The following NAA35 variants were observed in gnomAD, a reference collection of about 807,000 sequenced individuals.
NAA35 encodes the protein MAK10 homolog, amino-acid N-acetyltransferase subunit.
In NAA35, 18 loss-of-function variants were observed where a neutral mutation model predicts 101.7. The observed-to-expected ratio is 0.18, with a 90% CI of 0.12 to 0.26. NAA35 has a LOEUF of 0.26. Ranked by LOEUF, NAA35 falls within the 10% of genes least tolerant of loss-of-function variation. NAA35 has a pLI of 1.00. For synonymous variants in NAA35, 267 were observed against 273.1 expected, an observed-to-expected ratio of 0.98 and a Z score of 0.22; for missense variants, 601 against 886.8, an observed-to-expected ratio of 0.68 and a Z score of 4.09.
chr9:86,011,076 C>G (rs1041055352), intron 15 of NAA35, among the ~76,000 whole-genome samples: 1 of 150,850 alleles, frequency 6.6e-6, no homozygotes, highest in Non-Finnish European at 1.5e-5. Flanking sequence ...AACCCTGTCT[C>G]TACTGAAAAT....
chr9:86,018,474 C>G (rs956236448), intron 20 of NAA35, 79 bp downstream of exon 20: 5 of 1,465,904 alleles, frequency 3.4e-6, no homozygotes, highest in Admixed American at 2.2e-5. Flanking sequence ...ACCTAGCCAT[C>G]TTGTTACATT....
chr9:85,987,879 T>G (rs1173960938), intron 11 of NAA35, among the ~76,000 whole-genome samples: 1 of 152,204 alleles, frequency 6.6e-6, no homozygotes, highest in Non-Finnish European at 1.5e-5. Flanking sequence ...GGGAAAAAAC[T>G]AGGGATTCTC....
intron 11 of NAA35, among the ~76,000 whole-genome samples, chr9:85,982,238 T>G (rs2118106305): frequency 6.6e-6 from 1 of 152,188 alleles, no homozygotes; most frequent in East Asian, 1.9e-4. Context: ...GATTTTGGAG[T>G]CATTTTCAGT....
intron 17 of NAA35, chr9:86,014,321 G>A (rs1400584264): frequency 1.1e-6 from 1 of 931,926 alleles, no homozygotes; most frequent in East Asian, 1.2e-4. Flanking sequence ...AAACCGTGGT[G>A]CTGAGGATTC....
intron 22 of NAA35, among the ~76,000 whole-genome samples, 176 bp from the exon 23 acceptor site, chr9:86,021,725 C>T (rs1043530438): frequency 7.9e-5 from 12 of 152,176 alleles, no homozygotes; most frequent in Admixed American, 1.3e-4. Flanking sequence ...ACAAATTAAT[C>T]GTTTTTCTTC....
rs1329898402 is a variant in NAA35, at chr9:86,011,872, A to AATATATAAATATATATTATATGAT, written c.1291-1167_1291-1144dup. 1.2e-3 allele frequency among the ~76,000 whole-genome samples: 169 copies of AATATATAAATATATATTATATGAT among 142,608 alleles called. 4 individuals are homozygous for AATATATAAATATATATTATATGAT. In the South Asian group the frequency reaches 0.031, roughly 26 times the overall value. The allele number at this position is 142,608 out of a possible 152,430, so 93.6% of individuals were successfully genotyped here. On this transcript the variant is annotated intron_variant, in intron 15 of 22. Coordinates refer to ENST00000361671, the MANE Select transcript of NAA35 (RefSeq NM_024635.4). Reference sequence around the variant, plus strand: ...TGAGTTCAACTTTTAAACTTATTTAAATATATAAATATATATTATATGATA... The same window carrying AATATATAAATATATATTATATGAT: ...TGAGTTCAACTTTTAAACTTATTTAAATATATAAATATATATTATATGATATATATAAATATATATTATATGATA...
chr9:85,994,021 A>G (rs561326127), intron 11 of NAA35, among the ~76,000 whole-genome samples: 2 of 151,392 alleles, frequency 1.3e-5, no homozygotes, highest in Admixed American at 1.3e-4. Context: ...GTTTAAAAAT[A>G]TATGCTAAAC....
intron 14 of NAA35, 21 bp from the exon 15 acceptor site, chr9:86,009,844 G>C (rs1285785132): frequency 6.3e-7 from 1 of 1,588,456 alleles, no homozygotes; most frequent in Non-Finnish European, 8.6e-7. Flanking sequence ...AGATTTTAAT[G>C]ATGTGACTGT....
chr9:85,971,368 T>G (rs1406234581), intron 6 of NAA35, among the ~76,000 whole-genome samples: 1 of 152,188 alleles, frequency 6.6e-6, no homozygotes, highest in Non-Finnish European at 1.5e-5. Context: ...TCTCTTTGTC[T>G]TCTTAATACC....
At chr9:85,978,428 CA>C in intron 11 of NAA35, 47 bp downstream of exon 11, 1 of 1,320,982 alleles carries the variant, frequency 7.6e-7, no homozygotes, top group Non-Finnish European at 1.1e-6. Flanking sequence ...CGTTTCTATC[CA>C]AAATATTTAG....
At chr9:85,953,182 C>T (rs1412090557) in intron 2 of NAA35, among the ~76,000 whole-genome samples, 1 of 151,310 alleles carries the variant, frequency 6.6e-6, no homozygotes, top group East Asian at 1.9e-4. Flanking sequence ...CACTGCTCTC[C>T]AGCCTGGGCA....
intron 6 of NAA35, among the ~76,000 whole-genome samples, chr9:85,968,613 G>A (rs1262302523): frequency 1.3e-5 from 2 of 151,774 alleles, no homozygotes; most frequent in African/African-American, 2.4e-5. Flanking sequence ...GCCCACTTAT[G>A]AGGAAAAATA....
chr9:85,977,088 G>T (rs1486520268), intron 9 of NAA35, among the ~76,000 whole-genome samples: 1 of 152,052 alleles, frequency 6.6e-6, no homozygotes, highest in Non-Finnish European at 1.5e-5. Context: ...TTTTTAAAAT[G>T]CAGATAACAT....
intron 13 of NAA35, among the ~76,000 whole-genome samples, chr9:86,005,194 C>A (rs1013691454): frequency 6.6e-6 from 1 of 152,072 alleles, no homozygotes; most frequent in Non-Finnish European, 1.5e-5. Flanking sequence ...AGAATCAAGC[C>A]TGGTTCACCA....
At chr9:85,967,718 C>T (rs367907813) in intron 6 of NAA35, among the ~76,000 whole-genome samples, 2 of 151,676 alleles carry the variant, frequency 1.3e-5, no homozygotes, top group South Asian at 2.1e-4. Context: ...AGGAGAATGG[C>T]GTGAACCCGG....
intron 11 of NAA35, among the ~76,000 whole-genome samples, chr9:85,994,128 C>A (rs750219539): frequency 2.0e-5 from 3 of 152,210 alleles, no homozygotes; most frequent in Non-Finnish European, 4.4e-5. Flanking sequence ...TTGAGTTTAA[C>A]AGTTGTGTTT....
intron 2 of NAA35, among the ~76,000 whole-genome samples, chr9:85,952,173 A>G (rs1829046430): frequency 6.7e-6 from 1 of 148,648 alleles, no homozygotes; most frequent in Non-Finnish European, 1.5e-5. Flanking sequence ...AGACTCATGT[A>G]TTTTTTTTAA....
chr9:85,960,320 C>T (rs1829460626), intron 5 of NAA35, among the ~76,000 whole-genome samples: 1 of 151,988 alleles, frequency 6.6e-6, no homozygotes, highest in Non-Finnish European at 1.5e-5. Context: ...TTATGTCTTC[C>T]CTAGAAAGTA....
At chr9:86,000,327 G>A (rs183704250) in intron 12 of NAA35, among the ~76,000 whole-genome samples, 257 of 152,196 alleles carry the variant, frequency 1.7e-3, no homozygotes, top group African/African-American at 5.9e-3. Context: ...TTTTTGCATC[G>A]ATATTAATCA....
Sources: allele counts gnomAD v4.1 joint callset (sites outside exome capture counted in the v4.1 genomes callset), GRCh38; gene constraint gnomAD v4.1.1; transcripts MANE v1.5; gene names NCBI Gene and HGNC (gene_info 2026-07-23, HGNC 2026-07-21).